MGAT5: variants seen among roughly 807,000 people sequenced by gnomAD.
MGAT5 encodes the protein alpha-1,6-mannosylglycoprotein 6-beta-N-acetylglucosaminyltransferase.
A neutral mutation model predicts 94.3 loss-of-function variants in MGAT5; 30 were observed. The ratio of observed to expected loss-of-function variants is 0.32; its 90% confidence interval spans 0.24 to 0.43. The LOEUF (loss-of-function observed/expected upper bound fraction) is 0.43. Ranked by LOEUF, MGAT5 falls within the 20% of genes least tolerant of loss-of-function variation. The pLI, the probability that MGAT5 is intolerant of heterozygous loss-of-function variation, is 1.00. For missense variants in MGAT5, 691 were observed against 905.5 expected, an observed-to-expected ratio of 0.76 and a Z score of 3.04; for synonymous variants, 310 against 322.9, an observed-to-expected ratio of 0.96 and a Z score of 0.43.
chr2:134,444,269 C>T (rs908592033), intron 15 of MGAT5, among the ~76,000 whole-genome samples: 13 of 152,298 alleles, frequency 8.5e-5, no homozygotes, highest in Middle Eastern at 3.4e-3. Context: ...CCCCTCCCCA[C>T]CTCCGTATCC....
intron 2 of MGAT5, among the ~76,000 whole-genome samples, chr2:134,297,826 T>G (rs1484183704): frequency 2.0e-5 from 3 of 152,282 alleles, no homozygotes; most frequent in East Asian, 3.9e-4. Flanking sequence ...AATAATATAT[T>G]TGTTAACTGT....
chr2:134,182,789 T>TTTG (rs1553489370), intron 1 of MGAT5, among the ~76,000 whole-genome samples: 4 of 141,814 alleles, frequency 2.8e-5, no homozygotes, highest in African/African-American at 8.2e-5. Flanking sequence ...AGTTTTTTTT[T>TTTG]TTTTTTTTTT....
intron 14 of MGAT5, among the ~76,000 whole-genome samples, chr2:134,440,844 C>A (rs1685449049): frequency 6.6e-6 from 1 of 152,174 alleles, no homozygotes; most frequent in Non-Finnish European, 1.5e-5. Context: ...ACCACAACTG[C>A]CGTCACTCAC....
intron 2 of MGAT5, among the ~76,000 whole-genome samples, chr2:134,282,476 A>G (rs1385833563): frequency 1.3e-5 from 2 of 152,232 alleles, no homozygotes; most frequent in Non-Finnish European, 2.9e-5. Context: ...ACAAGGAGGG[A>G]TGCTCTGCTG....
chr2:134,319,722 C>T lies in MGAT5; in HGVS notation c.573+983C>T, dbSNP rs192927170. The T allele has an allele frequency of 1.1e-3, 467 of 413,600 alleles. 1 individual carries two copies. The highest frequency in any genetic ancestry group is 8.8e-3 in the African/African-American group (421 of 48,084). The allele number at this position is 413,600 out of a possible 1,614,324, so 25.6% of individuals were successfully genotyped here. ...TACTCATCCATGCTGTGGTGGAATT[C>T]AATGTAGCTGAAGCTCCTGCTCTCT... is the stretch of plus-strand genomic sequence containing the variant. On this transcript the variant is annotated intron_variant, in intron 4 of 15. Coordinates refer to ENST00000281923, the MANE Select transcript of MGAT5 (RefSeq NM_002410.5).
chr2:134,338,133 G>C, intron 5 of MGAT5, 126 bp from the exon 6 acceptor site: 1 of 782,306 alleles, frequency 1.3e-6, no homozygotes, highest in Non-Finnish European at 2.0e-6. Context: ...CAGCAGACAA[G>C]ACTTACTTTT....
At chr2:134,126,049 C>T (rs1685824210) in intron 1 of MGAT5, among the ~76,000 whole-genome samples, 1 of 152,218 alleles carries the variant, frequency 6.6e-6, no homozygotes, top group Non-Finnish European at 1.5e-5. Flanking sequence ...TGAAGACATT[C>T]CCGCAGTGTC....
At chr2:134,273,461 T>C (rs1420675852) in intron 2 of MGAT5, among the ~76,000 whole-genome samples, 3 of 152,232 alleles carry the variant, frequency 2.0e-5, no homozygotes, top group African/African-American at 4.8e-5. Context: ...TCTTTACAGC[T>C]GACTCTGGTG....
intron 10 of MGAT5, among the ~76,000 whole-genome samples, chr2:134,393,588 C>A (rs1346677847): frequency 6.6e-6 from 1 of 152,176 alleles, no homozygotes. Flanking sequence ...CCAGAAGGGG[C>A]ATTGCAACCT....
At chr2:134,177,796 C>G (rs1379520800) in intron 1 of MGAT5, among the ~76,000 whole-genome samples, 2 of 152,122 alleles carry the variant, frequency 1.3e-5, no homozygotes. Context: ...CCGATGCTGA[C>G]AATGAGAGTG....
chr2:134,130,262 ACAC>A (rs1686082053), intron 1 of MGAT5, among the ~76,000 whole-genome samples: 1 of 51,012 alleles, frequency 2.0e-5, no homozygotes, highest in African/African-American at 7.8e-5. Flanking sequence ...ACACCGCCCC[ACAC>A]CGCCCCACAC....
At position 134,341,683 on chromosome 2, in the gene MGAT5, T is replaced by C; in HGVS notation, c.901T>C (p.Trp301Arg). 2 of 1,613,630 alleles carry C rather than the reference T, an allele frequency of 1.2e-6. No homozygotes were observed. Among genetic ancestry groups the C allele is most frequent in the South Asian group, 2.2e-5 (2 of 91,072 alleles). ...SGGPLGELVQ[W>R]SDLITSLYLL... ...TGGCCCTCTTGGTGAATTAGTTCAA[T>C]GGAGTGATTTAATTACATCTCTGTA... The change falls in exon 7 of 16, where the codon TGG becomes CGG. Residue 301 changes from tryptophan to arginine, a missense_variant. Trp to Arg is a moderately radical substitution (Grantham distance 101, BLOSUM62 -3). Coordinates refer to ENST00000281923, the MANE Select transcript of MGAT5 (RefSeq NM_002410.5).
Position 134,441,630 on chromosome 2 carries a change from G to T in MGAT5, c.1870-128G>T, listed in dbSNP as rs1685490617. On this transcript the variant is annotated intron_variant, in intron 14 of 15. Coordinates refer to ENST00000281923, the MANE Select transcript of MGAT5 (RefSeq NM_002410.5). The stretch of plus-strand genomic sequence containing the variant: ...GAGCCCCAATCCAGCCCATCCATGT[G>T]GCTCCCAACTCTTCCCCGTCCCTGT... The T allele has an allele frequency of 3.6e-6, 4 of 1,126,088 alleles. No individual in the cohort carries two copies. The African/African-American group carries it at 6.3e-5, about 18-fold the overall frequency. 69.8% of individuals were successfully genotyped at this position (1,126,088 alleles called of 1,614,324 possible). A position where few individuals can be genotyped will look rare whatever the true frequency, so the allele number is the denominator to read the frequency against.
chr2:134,285,430 TGTG>T (rs879763536), intron 2 of MGAT5, among the ~76,000 whole-genome samples: 26 of 152,292 alleles, frequency 1.7e-4, no homozygotes, highest in Middle Eastern at 6.8e-3. Flanking sequence ...CAAAGATCAT[TGTG>T]GTGAACATAA....
chr2:134,434,610 C>T (rs1685069126), intron 14 of MGAT5, among the ~76,000 whole-genome samples: 1 of 152,206 alleles, frequency 6.6e-6, no homozygotes, highest in Non-Finnish European at 1.5e-5. Context: ...TTGAGCAGCT[C>T]CTGCAGTCTG....
intron 1 of MGAT5, among the ~76,000 whole-genome samples, chr2:134,257,823 T>G (rs943443884): frequency 7.5e-6 from 1 of 132,592 alleles, no homozygotes. Flanking sequence ...CATAGGCCAT[T>G]AGTTTGCAGT....
At chr2:134,196,653 T>G (rs1467225279) in intron 1 of MGAT5, among the ~76,000 whole-genome samples, 1 of 152,242 alleles carries the variant, frequency 6.6e-6, no homozygotes, top group African/African-American at 2.4e-5. Context: ...TTTTATAGTT[T>G]AGAGCAAGCT....
chr2:134,366,172 A>G (rs770638480), intron 10 of MGAT5, among the ~76,000 whole-genome samples: 12 of 152,212 alleles, frequency 7.9e-5, no homozygotes, highest in Non-Finnish European at 1.6e-4. Flanking sequence ...TCCTGCTAAC[A>G]CTAGAGATGT....
At chr2:134,405,997 G>A (rs1055732551) in intron 11 of MGAT5, among the ~76,000 whole-genome samples, 1 of 152,210 alleles carries the variant, frequency 6.6e-6, no homozygotes, top group African/African-American at 2.4e-5. Context: ...TTGGATGAAT[G>A]AATTATTTAT....
Sources: allele counts gnomAD v4.1 joint callset (sites outside exome capture counted in the v4.1 genomes callset), GRCh38; gene constraint gnomAD v4.1.1; transcripts MANE v1.5; gene names NCBI Gene and HGNC (gene_info 2026-07-23, HGNC 2026-07-21).